The following FBXL4 variants were observed in gnomAD, a reference collection of about 807,000 sequenced individuals.
The protein encoded by FBXL4 is F-box/LRR-repeat protein 4.
FBXL4 carries 40 observed loss-of-function variants against 58.9 expected under a neutral mutation model. The ratio of observed to expected loss-of-function variants is 0.68; its 90% CI spans 0.53 to 0.88. The LOEUF is 0.88. Ranked by LOEUF, FBXL4 falls within the 40% of genes least tolerant of loss-of-function variation. The pLI, the probability that FBXL4 is intolerant of heterozygous loss-of-function variation, is 0.00. For missense variants in FBXL4, 676 were observed against 734.4 expected (o/e 0.92, Z 0.92); for synonymous variants, 263 against 265.5 (o/e 0.99, Z 0.09).
At chr6:98,917,248 T>C (rs1350044927) in intron 5 of FBXL4, 126 bp downstream of exon 5, 4 of 619,008 alleles carry the variant, frequency 6.5e-6, no homozygotes, top group East Asian at 3.1e-5. Flanking sequence ...AATCAAAATA[T>C]ACAACACATC....
At chr6:98,882,742 T>C (rs1417086081) in intron 7 of FBXL4, among the ~76,000 whole-genome samples, 1 of 152,064 alleles carries the variant, frequency 6.6e-6, no homozygotes, top group Non-Finnish European at 1.5e-5. Context: ...CTTGAAAATA[T>C]ACAATTTTAC....
intron 5 of FBXL4, among the ~76,000 whole-genome samples, chr6:98,911,282 T>A (rs1353166559): frequency 1.3e-5 from 2 of 152,114 alleles, no homozygotes; most frequent in East Asian, 3.9e-4. Flanking sequence ...AGCAGTAACC[T>A]CTGCAGACTT....
At chr6:98,938,607 C>T (rs958947519) in intron 1 of FBXL4, among the ~76,000 whole-genome samples, 9 of 152,184 alleles carry the variant, frequency 5.9e-5, no homozygotes, top group Non-Finnish European at 1.0e-4. Context: ...CCCTTTAAGG[C>T]TGGGGGTTAG....
intron 2 of FBXL4, among the ~76,000 whole-genome samples, chr6:98,928,922 G>A (rs1447417012): frequency 6.6e-6 from 1 of 151,866 alleles, no homozygotes; most frequent in African/African-American, 2.4e-5. Flanking sequence ...TTCCACATCA[G>A]TAGCCTTACT....
At chr6:98,912,326 C>G (rs569834433) in intron 5 of FBXL4, among the ~76,000 whole-genome samples, 3 of 152,050 alleles carry the variant, frequency 2.0e-5, no homozygotes, top group Non-Finnish European at 4.4e-5. Context: ...ATACAGAGAA[C>G]GCCACAAATA....
At chr6:98,944,507 ATTT>A (rs994870415) in intron 1 of FBXL4, among the ~76,000 whole-genome samples, 3 of 152,174 alleles carry the variant, frequency 2.0e-5, no homozygotes, top group African/African-American at 7.2e-5. Flanking sequence ...ATAAAATAGC[ATTT>A]TTCATCCATA....
Position 98,905,588 on chromosome 6 carries a change from C to T in FBXL4, c.941G>A (p.Cys314Tyr). ...GTGGATGTATTGCAGAGGATCACAG[C>T]AATGCTGGCTCAGTAGTTTGCAAGT... Reference protein sequence around the residue: ...AQTCKLLSQHCCDPLQYIHLN... With the variant: ...AQTCKLLSQHYCDPLQYIHLN... Residue 314 changes from cysteine (C) to tyrosine (Y), a missense_variant, in exon 6 of 10, where the codon TGC (cysteine) becomes TAC (tyrosine). Transcript: ENST00000369244. 1 of 1,613,914 alleles carries T rather than the reference C, an allele frequency of 6.2e-7. No homozygotes were observed. The highest frequency in any genetic ancestry group is 8.5e-7 in the Non-Finnish European group (1 of 1,179,956).
At position 98,938,290 on chromosome 6, in the gene FBXL4, T is replaced by C. The variant is rs1286944263; in HGVS notation, c.-308-3411A>G. Among the ~76,000 whole-genome samples the C allele has an allele frequency of 4.6e-5, 7 of 152,104 alleles. No homozygotes were observed. In the East Asian group the frequency reaches 1.2e-3, roughly 25 times the overall value. On this transcript the variant is annotated intron_variant, in intron 1 of 9. Coordinates refer to ENST00000369244, the MANE Select transcript of FBXL4 (RefSeq NM_001278716.2). ...AGAGTTCACAGTTCTTTCCATAGAGTACCATGTATAGTAAGCCTTAAAGTT... is the reference window on the plus strand; with the variant it reads ...AGAGTTCACAGTTCTTTCCATAGAGCACCATGTATAGTAAGCCTTAAAGTT...
chr6:98,921,406 T>G (rs900125773), intron 4 of FBXL4, among the ~76,000 whole-genome samples: 3 of 151,374 alleles, frequency 2.0e-5, no homozygotes, highest in Non-Finnish European at 2.9e-5. Context: ...AGCCAGTAAG[T>G]ATATCTAGTA....
chr6:98,884,680 A>G (rs1458093956), intron 7 of FBXL4, among the ~76,000 whole-genome samples: 1 of 152,104 alleles, frequency 6.6e-6, no homozygotes, highest in East Asian at 1.9e-4. Context: ...ATGTATTTTC[A>G]TTTATTTTGT....
At chr6:98,944,896 A>G (rs1180913396) in intron 1 of FBXL4, among the ~76,000 whole-genome samples, 1 of 152,078 alleles carries the variant, frequency 6.6e-6, no homozygotes, top group African/African-American at 2.4e-5. Flanking sequence ...TCAGCATAAG[A>G]TGATCCTCTG....
At chr6:98,880,520 A>AT in intron 8 of FBXL4, 33 bp downstream of exon 8, 1 of 1,565,026 alleles carries the variant, frequency 6.4e-7, no homozygotes. Flanking sequence ...AGAACAAGTA[A>AT]TTGAGTAGTA....
intron 4 of FBXL4, among the ~76,000 whole-genome samples, chr6:98,920,551 AAGAC>A (rs559736926): frequency 2.0e-3 from 303 of 152,238 alleles, no homozygotes; most frequent in African/African-American, 6.8e-3. Context: ...AAGAAAAAAA[AAGAC>A]AGAAAAATTA....
intron 1 of FBXL4, among the ~76,000 whole-genome samples, chr6:98,941,131 C>A (rs1410972098): frequency 2.6e-5 from 4 of 151,898 alleles, no homozygotes; most frequent in Non-Finnish European, 5.9e-5. Context: ...ATGTTTATAG[C>A]AGATTTATTC....
At chr6:98,914,716 T>C (rs780401911) in intron 5 of FBXL4, among the ~76,000 whole-genome samples, 31 of 152,236 alleles carry the variant, frequency 2.0e-4, no homozygotes, top group Non-Finnish European at 3.5e-4. Context: ...TATATCATAC[T>C]GAATGCGCAA....
chr6:98,937,890 T>C (rs1277679603), intron 1 of FBXL4, among the ~76,000 whole-genome samples: 1 of 152,188 alleles, frequency 6.6e-6, no homozygotes, highest in East Asian at 1.9e-4. Flanking sequence ...CTGCCTCTTT[T>C]ATGTCTTCTT....
chr6:98,885,321 C>T lies in FBXL4; in HGVS notation c.1318-4697G>A, dbSNP rs149475617. ...TTCACCATGTTGGCCAGGATGGTCT[C>T]GACCTCCTGACCTCATAATCCACCC... On this transcript the variant is annotated intron_variant, in intron 7 of 9. Transcript: ENST00000369244. Among the ~76,000 whole-genome samples, 411 of 152,242 alleles carry T rather than the reference C, an allele frequency of 2.7e-3. 8 individuals are homozygous for T. The East Asian group carries it at 0.06, about 22-fold the overall frequency.
intron 7 of FBXL4, among the ~76,000 whole-genome samples, chr6:98,881,776 C>T (rs2128379645): frequency 6.6e-6 from 1 of 152,088 alleles, no homozygotes; most frequent in East Asian, 1.9e-4. Context: ...TGATTTTATA[C>T]TTAAGTTTCA....
At chr6:98,929,942 C>T (rs1400979463) in intron 2 of FBXL4, among the ~76,000 whole-genome samples, 1 of 152,164 alleles carries the variant, frequency 6.6e-6, no homozygotes, top group Non-Finnish European at 1.5e-5. Context: ...TAAATTCACA[C>T]AACCTTCATG....
Sources: gnomAD v4.1 joint callset for allele counts (sites outside exome capture counted in the v4.1 genomes callset) on GRCh38, gnomAD v4.1.1 for gene constraint, MANE v1.5 for transcripts, NCBI Gene and HGNC (gene_info 2026-07-23, HGNC 2026-07-21) for gene names.